The following PRKAR1A variants were observed in gnomAD, a reference collection of about 807,000 sequenced individuals.
PRKAR1A encodes the protein protein kinase cAMP-dependent type I regulatory subunit alpha, also known as cAMP-dependent protein kinase type I-alpha regulatory subunit.
In PRKAR1A, 3 loss-of-function variants were observed where a neutral mutation model predicts 52.0. The observed-to-expected ratio is 0.06, with a 90% CI of 0.03 to 0.15. The LOEUF is 0.15. PRKAR1A is among the 10% of genes least tolerant of loss of function. PRKAR1A has a pLI of 1.00. For synonymous variants in PRKAR1A, 188 were observed against 168.4 expected (o/e 1.12, Z -0.90); for missense variants, 240 against 477.4 (o/e 0.50, Z 4.63).
Position 68,545,274 on chromosome 17 carries a change from G to GA in PRKAR1A, c.974-5804dup, listed in dbSNP as rs536400988. ...TTGGAGGGTTTTGCATTGTATTTCG[G>GA]AAAAAAGCTGGCTAGTTGGAACAAT... is the stretch of plus-strand genomic sequence containing the variant. On this transcript the variant is annotated intron_variant, in intron 11 of 11. Coordinates refer to the PRKAR1A transcript ENST00000585981. Among the ~76,000 whole-genome samples, 33 of 152,248 alleles carry GA rather than the reference G, an allele frequency of 2.2e-4. No homozygotes were observed. The South Asian group carries it at 3.1e-3, about 14-fold the overall frequency.
intron 11 of PRKAR1A, among the ~76,000 whole-genome samples, chr17:68,546,627 A>G (rs8072332): frequency 0.037 from 5,591 of 151,040 alleles, 434 homozygotes; most frequent in African/African-American, 0.13. Context: ...TCAGGAGATC[A>G]AGACCATCCT....
At chr17:68,474,623 C>A in the PRKAR1A span, among the ~76,000 whole-genome samples, 1 of 152,180 alleles carries the variant, frequency 6.6e-6, no homozygotes, top group African/African-American at 2.4e-5. Context: ...AGGGCGGGAG[C>A]AGTGGCTCAC....
the PRKAR1A span, among the ~76,000 whole-genome samples, chr17:68,481,462 G>A: frequency 6.6e-6 from 1 of 152,144 alleles, no homozygotes; most frequent in Non-Finnish European, 1.5e-5. Flanking sequence ...CAGATCATCA[G>A]GCATTAGATT....
chr17:68,417,218 G>C, the PRKAR1A span, among the ~76,000 whole-genome samples: 3 of 152,208 alleles, frequency 2.0e-5, no homozygotes, highest in African/African-American at 4.8e-5. Context: ...AGAGTGGCTA[G>C]AGCTGGGTAT....
At chr17:68,433,523 C>G in the PRKAR1A span, 1 of 1,613,678 alleles carries the variant, frequency 6.2e-7, no homozygotes, top group Non-Finnish European at 8.5e-7. Flanking sequence ...TTACTGGAGG[C>G]GCAGAGGAAT....
chr17:68,465,644 T>TTTTTTTTTTTTTTTTTC, the PRKAR1A span, among the ~76,000 whole-genome samples: 1 of 141,156 alleles, frequency 7.1e-6, no homozygotes, highest in African/African-American at 2.6e-5. Flanking sequence ...TTTTTTTTTT[T>TTTTTTTTTTTTTTTTTC]TTTTTGTAGA....
Position 68,525,925 on chromosome 17 carries a change from G to A in PRKAR1A, c.708+13G>A, listed in dbSNP as rs1000203526. 2 of 1,613,320 alleles carry A rather than the reference G, an allele frequency of 1.2e-6. No individual in the cohort carries two copies. The highest frequency in any genetic ancestry group is 1.7e-6 in the Non-Finnish European group (2 of 1,179,564). On this transcript the variant is annotated intron_variant, in intron 7 of 10. Coordinates refer to ENST00000589228, the MANE Select transcript of PRKAR1A (RefSeq NM_002734.5). ...AAGAATCCTCATGGTAAGAGACCAT[G>A]GTGTTTGAGAGTGTGATTTAGAATT...
chr17:68,441,614 G>A, the PRKAR1A span, among the ~76,000 whole-genome samples: 2 of 152,166 alleles, frequency 1.3e-5, no homozygotes, highest in Admixed American at 6.5e-5. Flanking sequence ...TCACTGAAGC[G>A]CAGCTCTGAC....
the PRKAR1A span, among the ~76,000 whole-genome samples, chr17:68,415,666 C>T: frequency 2.0e-5 from 3 of 152,042 alleles, no homozygotes; most frequent in Non-Finnish European, 4.4e-5. Context: ...TCATTTCTTA[C>T]GTTATTAGTA....
the PRKAR1A span, chr17:68,420,480 C>G: frequency 1.9e-6 from 3 of 1,602,498 alleles, no homozygotes; most frequent in Non-Finnish European, 2.6e-6. Flanking sequence ...AATTTTTATT[C>G]CACGAGGAGG....
chr17:68,418,171 AT>A, the PRKAR1A span, among the ~76,000 whole-genome samples: 19 of 152,294 alleles, frequency 1.2e-4, no homozygotes, highest in Admixed American at 1.2e-3. Flanking sequence ...ATTGTTGGTG[AT>A]GCATTGTAGC....
chr17:68,541,151 T>C (rs2086272564), intron 11 of PRKAR1A: 4 of 733,708 alleles, frequency 5.5e-6, no homozygotes, highest in South Asian at 1.8e-5. Context: ...GAGAAGGTCC[T>C]GGGTCCTTTA....
the PRKAR1A span, among the ~76,000 whole-genome samples, chr17:68,489,318 A>G: frequency 2.9e-5 from 2 of 69,506 alleles, 1 homozygote; most frequent in East Asian, 6.5e-4. Flanking sequence ...TATGGAAAGT[A>G]TATATATATA....
At chr17:68,481,624 C>A in the PRKAR1A span, among the ~76,000 whole-genome samples, 1 of 152,212 alleles carries the variant, frequency 6.6e-6, no homozygotes, top group African/African-American at 2.4e-5. Context: ...TGCATTAAAA[C>A]ATTATATTAA....
At chr17:68,436,307 G>A in the PRKAR1A span, 41 of 1,384,202 alleles carry the variant, frequency 3.0e-5, no homozygotes, top group East Asian at 5.7e-4. Context: ...ACGGCAGGGC[G>A]TCCTTATCTA....
the PRKAR1A span, among the ~76,000 whole-genome samples, chr17:68,471,698 C>T: frequency 1.3e-5 from 2 of 152,214 alleles, no homozygotes; most frequent in South Asian, 2.1e-4. Context: ...TGCTTTTCTA[C>T]TAGGGGAGCT....
chr17:68,428,580 G>C, the PRKAR1A span: 2 of 420,154 alleles, frequency 4.8e-6, no homozygotes, highest in African/African-American at 2.0e-5. Flanking sequence ...GCTGTGTTAG[G>C]AGCATAGGCT....
chr17:68,444,597 C>A, the PRKAR1A span: 1 of 1,610,218 alleles, frequency 6.2e-7, no homozygotes, highest in African/African-American at 1.3e-5. Flanking sequence ...CCTCTGTAAT[C>A]ACACAGACTT....
chr17:68,422,463 G>C, the PRKAR1A span: 7 of 151,330 alleles, frequency 4.6e-5, no homozygotes, highest in African/African-American at 1.5e-4. Context: ...TGGGCGCAGT[G>C]GCTCACACCT....
Sources: gnomAD v4.1 joint callset for allele counts (sites outside exome capture counted in the v4.1 genomes callset) on GRCh38, gnomAD v4.1.1 for gene constraint, MANE v1.5 for transcripts, NCBI Gene and HGNC (gene_info 2026-07-23, HGNC 2026-07-21) for gene names.